PRKAR1A: variants seen among roughly 807,000 people sequenced by gnomAD.
PRKAR1A encodes cAMP-dependent protein kinase type I-alpha regulatory subunit.
PRKAR1A carries 3 observed loss-of-function variants against 52.0 expected under a neutral mutation model. The ratio of observed to expected loss-of-function variants is 0.06; its 90% CI spans 0.03 to 0.15. The LOEUF (loss-of-function observed/expected upper bound fraction) is 0.15, where lower values mean the gene tolerates loss of function less well. Among genes scored for constraint, PRKAR1A ranks in the 10% least tolerant of loss-of-function variants. PRKAR1A has a pLI of 1.00. For missense variants in PRKAR1A, 240 were observed against 477.4 expected (o/e 0.50, Z 4.63); for synonymous variants, 188 against 168.4 (o/e 1.12, Z -0.90).
chr17:68,452,828 C>T, the PRKAR1A span: 4 of 1,290,148 alleles, frequency 3.1e-6, no homozygotes, highest in Non-Finnish European at 4.4e-6. Flanking sequence ...AAATAGGCAG[C>T]TTGGTAGCAC....
At chr17:68,469,335 A>G in the PRKAR1A span, among the ~76,000 whole-genome samples, 1 of 151,972 alleles carries the variant, frequency 6.6e-6, no homozygotes, top group Non-Finnish European at 1.5e-5. Context: ...TACCCCCAGG[A>G]GCTTTTTTTT....
chr17:68,423,774 A>G, the PRKAR1A span, among the ~76,000 whole-genome samples: 1 of 152,168 alleles, frequency 6.6e-6, no homozygotes, highest in Non-Finnish European at 1.5e-5. This position sits in a 1 kb window ranked among gnomAD's most constrained non-coding sequence, Gnocchi z 4.4. Flanking sequence ...CAAGGTACCT[A>G]TTATTTTATA....
At chr17:68,437,040 A>T in the PRKAR1A span, among the ~76,000 whole-genome samples, 1 of 149,160 alleles carries the variant, frequency 6.7e-6, no homozygotes, top group East Asian at 2.0e-4. Flanking sequence ...GTGTGTGTAT[A>T]TATTGCTCAT....
At chr17:68,540,576 A>G (rs548934656) in intron 11 of PRKAR1A, 19 of 552,666 alleles carry the variant, frequency 3.4e-5, no homozygotes, top group African/African-American at 2.4e-4. Flanking sequence ...TGAAGTGAAC[A>G]TACAGCTTCC....
intron 9 of PRKAR1A, 117 bp from the exon 10 acceptor site, chr17:68,529,803 T>G: frequency 1.0e-6 from 1 of 994,786 alleles, no homozygotes; most frequent in Non-Finnish European, 1.6e-6. Context: ...AACTTTAAAG[T>G]CATTTTTTAT....
At chr17:68,500,518 T>A in the PRKAR1A span, among the ~76,000 whole-genome samples, 2 of 151,962 alleles carry the variant, frequency 1.3e-5, no homozygotes, top group Admixed American at 1.3e-4. Flanking sequence ...AGTATTTTTT[T>A]TTTTTTTTTG....
downstream of PRKAR1A, chr17:68,537,891 A>T: frequency 1.1e-6 from 1 of 951,700 alleles, no homozygotes; most frequent in Non-Finnish European, 1.6e-6. This position sits in a 1 kb window ranked among gnomAD's most constrained non-coding sequence, Gnocchi z 4.2. Flanking sequence ...AACCAGGTAA[A>T]AAGGGAACAA....
At chr17:68,422,647 T>A in the PRKAR1A span, 3 of 145,968 alleles carry the variant, frequency 2.1e-5, no homozygotes, top group Admixed American at 1.5e-4. Flanking sequence ...TAGAATCACT[T>A]GAACCTAGGA....
chr17:68,546,021 T>G (rs992734194), intron 11 of PRKAR1A, among the ~76,000 whole-genome samples: 4 of 151,750 alleles, frequency 2.6e-5, no homozygotes, highest in African/African-American at 9.7e-5. Context: ...TACAAAAAAT[T>G]AGCCAGGCAT....
intron 9 of PRKAR1A, 138 bp from the exon 10 acceptor site, chr17:68,529,782 A>G (rs1051529729): frequency 1.2e-6 from 1 of 831,728 alleles, no homozygotes; most frequent in African/African-American, 1.7e-5. Context: ...ATTGAAGCTC[A>G]TGTGGTGACT....
At chr17:68,434,633 A>G in the PRKAR1A span, 3 of 1,613,946 alleles carry the variant, frequency 1.9e-6, no homozygotes, top group Non-Finnish European at 1.7e-6. Flanking sequence ...TGCCCTGGAA[A>G]AGAAAGCAGG....
rs373646911 is a variant in PRKAR1A at position 68,515,387 on chromosome 17, C to T, written c.-6-7C>T. On this transcript the variant is annotated splice_polypyrimidine_tract_variant and splice_region_variant and intron_variant, in intron 1 of 10. Coordinates refer to ENST00000589228, the MANE Select transcript of PRKAR1A (RefSeq NM_002734.5). The stretch of plus-strand genomic sequence containing the variant: ...TATACAAGCATGTGTGTGTTTTTTT[C>T]TCGCAGAGAACCATGGAGTCTGGCA... 31 of 1,612,728 alleles carry T rather than the reference C, an allele frequency of 1.9e-5. No individual in the cohort carries two copies. Among genetic ancestry groups the T allele is most frequent in the Non-Finnish European group, 2.5e-5 (29 of 1,179,982 alleles).
intron 11 of PRKAR1A, among the ~76,000 whole-genome samples, chr17:68,544,104 A>T (rs893447872): frequency 6.6e-6 from 1 of 152,200 alleles, no homozygotes; most frequent in Non-Finnish European, 1.5e-5. Context: ...GCAGATCCAG[A>T]TGTCCAAGGA....
At chr17:68,422,015 C>G in the PRKAR1A span, 2 of 614,260 alleles carry the variant, frequency 3.3e-6, no homozygotes, top group East Asian at 5.5e-5. Flanking sequence ...TGACACAGTT[C>G]TAGAAAATAC....
chr17:68,520,576 AAAGAGCTGAGG>A (rs1358102000), intron 2 of PRKAR1A, among the ~76,000 whole-genome samples: 1 of 152,194 alleles, frequency 6.6e-6, no homozygotes, highest in Non-Finnish European at 1.5e-5. Context: ...CACCTCACTT[AAAGAGCTGAGG>A]AGGAAGGAGA....
At chr17:68,500,801 G>A in the PRKAR1A span, among the ~76,000 whole-genome samples, 4 of 152,146 alleles carry the variant, frequency 2.6e-5, no homozygotes, top group East Asian at 7.7e-4. Flanking sequence ...ACAGGCATGA[G>A]CCACGGCGCC....
chr17:68,520,241 T>C (rs2085562777), intron 2 of PRKAR1A, among the ~76,000 whole-genome samples: 2 of 152,248 alleles, frequency 1.3e-5, no homozygotes, highest in African/African-American at 2.4e-5. Flanking sequence ...AGCCAAGCCT[T>C]AAGTCAGTGG....
the PRKAR1A span, among the ~76,000 whole-genome samples, chr17:68,486,830 TA>T: frequency 6.6e-6 from 1 of 151,610 alleles, no homozygotes. Context: ...ACCCAAGTGT[TA>T]ATGGGTATAC....
chr17:68,506,919 G>T (rs941574556), upstream of PRKAR1A, among the ~76,000 whole-genome samples: 1 of 152,308 alleles, frequency 6.6e-6, no homozygotes, highest in African/African-American at 2.4e-5. Context: ...TCCATACATG[G>T]ATGGGCTTCA....
Sources: gnomAD v4.1 joint callset for allele counts (sites outside exome capture counted in the v4.1 genomes callset) on GRCh38, gnomAD v4.1.1 for gene constraint, Gnocchi (gnomAD v3.1) non-coding constraint, MANE v1.5 for transcripts, NCBI Gene and HGNC (gene_info 2026-07-23, HGNC 2026-07-21) for gene names.